SDK1: variants seen among roughly 807,000 people sequenced by gnomAD.
The protein encoded by SDK1 is protein sidekick-1.
SDK1 carries 157 observed loss-of-function variants against 245.5 expected under a neutral mutation model. The observed-to-expected ratio is 0.64, with a 90% CI of 0.56 to 0.73. SDK1 has a LOEUF of 0.73. SDK1 is among the 30% of genes least tolerant of loss of function. The pLI, the probability that SDK1 is intolerant of heterozygous loss-of-function variation, is 0.00. For missense variants in SDK1, 3,583 were observed against 3,002.3 expected, an observed-to-expected ratio of 1.19 and a Z score of -4.52; for synonymous variants, 1,647 against 1,278.5, an observed-to-expected ratio of 1.29 and a Z score of -6.15.
intron 1 of SDK1, among the ~76,000 whole-genome samples, chr7:3,599,415 T>C (rs2128638209): frequency 6.6e-6 from 1 of 152,344 alleles, no homozygotes; most frequent in African/African-American, 2.4e-5. Context: ...TCTCCTAATC[T>C]GTGTCTGTCT....
chr7:3,709,698 A>G (rs1202717600), intron 4 of SDK1, among the ~76,000 whole-genome samples: 3 of 152,254 alleles, frequency 2.0e-5, no homozygotes, highest in African/African-American at 7.2e-5. Flanking sequence ...ACCATATTGA[A>G]AAAAAGAAGT....
intron 4 of SDK1, 77 bp downstream of exon 4, chr7:3,642,182 C>A: frequency 7.3e-7 from 1 of 1,372,536 alleles, no homozygotes; most frequent in Non-Finnish European, 1.0e-6. Flanking sequence ...AGTAAGTGTA[C>A]CAATTAAGGT....
intron 5 of SDK1, among the ~76,000 whole-genome samples, chr7:3,825,192 C>T (rs1205383791): frequency 6.6e-6 from 1 of 152,054 alleles, no homozygotes; most frequent in East Asian, 1.9e-4. Flanking sequence ...CGAGGTCAGA[C>T]CCGGGAAAGC....
rs146785774 is a variant in SDK1, at chr7:3,445,459, G to C, written c.298+143575G>C. 7.2e-5 allele frequency among the ~76,000 whole-genome samples: 11 copies of C among 152,286 alleles called. No homozygotes were observed. In the East Asian group the frequency reaches 2.1e-3, roughly 29 times the overall value. ...GCAAATTATCATCTTGAATGGTTTA[G>C]TTATTCACATGACTGAAGTTAGGAA... is the stretch of plus-strand genomic sequence containing the variant. On this transcript the variant is annotated intron_variant, in intron 1 of 44. Coordinates refer to ENST00000404826, the MANE Select transcript of SDK1 (RefSeq NM_152744.4).
chr7:3,598,981 G>A (rs1781162070), intron 1 of SDK1, among the ~76,000 whole-genome samples: 1 of 151,948 alleles, frequency 6.6e-6, no homozygotes, highest in African/African-American at 2.4e-5. Context: ...GAGAACAGTT[G>A]CTGGGTTGCA....
chr7:3,655,622 G>T (rs927988794), intron 4 of SDK1, among the ~76,000 whole-genome samples: 1 of 150,914 alleles, frequency 6.6e-6, no homozygotes, highest in African/African-American at 2.4e-5. Flanking sequence ...TCCCAGAAAT[G>T]AGGAAAAGGT....
At chr7:3,637,103 G>C (rs28666850) in intron 2 of SDK1, among the ~76,000 whole-genome samples, 2 of 151,218 alleles carry the variant, frequency 1.3e-5, no homozygotes, top group East Asian at 3.9e-4. Context: ...GTGTGTGTGT[G>C]TGTGTGTGTT....
intron 41 of SDK1, among the ~76,000 whole-genome samples, chr7:4,234,778 C>T (rs1013893902): frequency 2.6e-5 from 4 of 152,204 alleles, no homozygotes; most frequent in Non-Finnish European, 5.9e-5. Flanking sequence ...AGACCGGCTG[C>T]AAGCCAGGGC....
chr7:3,651,006 A>G (rs1782996690), intron 4 of SDK1, among the ~76,000 whole-genome samples: 1 of 152,088 alleles, frequency 6.6e-6, no homozygotes, highest in South Asian at 2.1e-4. Flanking sequence ...ATGATGAATA[A>G]AGTTGCTATA....
At chr7:4,237,918 A>T (rs569020081) in intron 42 of SDK1, 134 bp downstream of exon 42, 2 of 1,097,750 alleles carry the variant, frequency 1.8e-6, no homozygotes, top group African/African-American at 3.1e-5. Flanking sequence ...AGAGAAATGC[A>T]ATAGGTTTTC....
chr7:3,582,124 T>C (rs1366729604), intron 1 of SDK1, among the ~76,000 whole-genome samples: 61 of 136,338 alleles, frequency 4.5e-4, no homozygotes, highest in African/African-American at 1.5e-3. Context: ...GGTAGGCCTG[T>C]CTCAGGTAGG....
intron 4 of SDK1, among the ~76,000 whole-genome samples, chr7:3,785,201 G>C (rs529534719): frequency 6.6e-6 from 1 of 152,110 alleles, no homozygotes; most frequent in South Asian, 2.1e-4. Context: ...GCTGGAGGGT[G>C]GGGGGAATAG....
chr7:4,049,518 C>A, intron 18 of SDK1, 55 bp downstream of exon 18: 2 of 1,358,222 alleles, frequency 1.5e-6, no homozygotes, highest in Non-Finnish European at 2.1e-6. Context: ...GGAGCCACAG[C>A]GCGACGCAGC....
intron 1 of SDK1, among the ~76,000 whole-genome samples, chr7:3,498,185 G>T (rs1475707376): frequency 1.3e-5 from 2 of 152,132 alleles, no homozygotes; most frequent in Non-Finnish European, 2.9e-5. Context: ...GGGTTTTGGG[G>T]TGAAAACACT....
intron 1 of SDK1, among the ~76,000 whole-genome samples, chr7:3,618,625 A>G (rs1350530631): frequency 6.6e-6 from 1 of 152,178 alleles, no homozygotes; most frequent in Non-Finnish European, 1.5e-5. Context: ...CTAGGTTGCG[A>G]TTCATGTCGT....
chr7:4,124,677 C>T (rs1260510052), intron 25 of SDK1, among the ~76,000 whole-genome samples: 3 of 152,334 alleles, frequency 2.0e-5, no homozygotes, highest in African/African-American at 7.2e-5. Flanking sequence ...AAACTACTCT[C>T]GTGTAGAAAA....
At chr7:3,588,346 T>C (rs2128634815) in intron 1 of SDK1, among the ~76,000 whole-genome samples, 1 of 152,352 alleles carries the variant, frequency 6.6e-6, no homozygotes, top group Non-Finnish European at 1.5e-5. Context: ...TTTACAACAG[T>C]CTTTTAGTTG....
chr7:3,635,865 T>C (rs1373290637), intron 2 of SDK1, among the ~76,000 whole-genome samples: 4 of 151,952 alleles, frequency 2.6e-5, no homozygotes, highest in Non-Finnish European at 4.4e-5. Context: ...ACCACCACAC[T>C]TGGCTAATTT....
intron 2 of SDK1, among the ~76,000 whole-genome samples, chr7:3,636,717 G>T (rs1194825054): frequency 6.6e-6 from 1 of 152,194 alleles, no homozygotes; most frequent in African/African-American, 2.4e-5. Flanking sequence ...AATATACTCA[G>T]AAGTGGGATT....
Sources: gnomAD v4.1 joint callset for allele counts (sites outside exome capture counted in the v4.1 genomes callset) on GRCh38, gnomAD v4.1.1 for gene constraint, MANE v1.5 for transcripts, NCBI Gene and HGNC (gene_info 2026-07-23, HGNC 2026-07-21) for gene names.